The following PPP2R2C variants were observed in gnomAD, a reference collection of about 807,000 sequenced individuals.
PPP2R2C encodes protein phosphatase 2, regulatory subunit B, gamma.
Under a neutral mutation model 45.3 loss-of-function variants are expected in PPP2R2C, and 10 were observed. The ratio of observed to expected loss-of-function variants is 0.22; its 90% CI spans 0.14 to 0.37. The LOEUF is 0.37. Among genes scored for constraint, PPP2R2C ranks in the 10% least tolerant of loss-of-function variants. The pLI, the probability that PPP2R2C is intolerant of heterozygous loss-of-function variation, is 1.00. For synonymous variants in PPP2R2C, 257 were observed against 245.4 expected, an observed-to-expected ratio of 1.05 and a Z score of -0.44; for missense variants, 308 against 619.7, an observed-to-expected ratio of 0.50 and a Z score of 5.34.
Position 6,330,491 on chromosome 4 carries a change from G to A in PPP2R2C, c.961-1138C>T, listed in dbSNP as rs1209919202. The stretch of plus-strand genomic sequence containing the variant: ...TAAAGCAGGCTGCCCTCCATCATGT[G>A]GGGGGCCTTGTCCAATCAGTCGAAG... On this transcript the variant is annotated intron_variant, in intron 7 of 8. Coordinates refer to ENST00000382599, the MANE Select transcript of PPP2R2C (RefSeq NM_020416.4). The surrounding 1 kb of genome is among the most constrained non-coding windows in gnomAD (Gnocchi z 7.0). 6.6e-6 allele frequency among the ~76,000 whole-genome samples: 1 copy of A among 152,064 alleles called. No homozygotes were observed. The highest frequency in any genetic ancestry group is 1.5e-5 in the Non-Finnish European group (1 of 68,000).
chr4:6,389,850 G>C (rs546992104), intron 1 of PPP2R2C, among the ~76,000 whole-genome samples: 1 of 152,188 alleles, frequency 6.6e-6, no homozygotes, highest in East Asian at 1.9e-4. Context: ...AGCTAGTAAG[G>C]GCAGGGGAGA....
intron 1 of PPP2R2C, among the ~76,000 whole-genome samples, chr4:6,445,272 G>A (rs1345512273): frequency 2.6e-5 from 4 of 151,974 alleles, no homozygotes; most frequent in Non-Finnish European, 5.9e-5. Context: ...CAACAGCTGA[G>A]AATATTCTAG....
At chr4:6,524,405 G>T (rs78596185) in intron 2 of PPP2R2C, among the ~76,000 whole-genome samples, 1,642 of 152,274 alleles carry the variant, frequency 0.011, 33 homozygotes, top group African/African-American at 0.038. Context: ...AGGAGGAATG[G>T]GAGTGACTGC....
In PPP2R2C at chr4:6,362,313, C is replaced by T. The variant is rs539322060; in HGVS notation, c.625+10210G>A. On this transcript the variant is annotated intron_variant, in intron 5 of 8. Coordinates refer to ENST00000382599, the MANE Select transcript of PPP2R2C (RefSeq NM_020416.4). ...GACCCATCCTGAAGAGGGAAGCAGG[C>T]CAAAGGTCTGGGGCTCAGGCCTGGG... 2.6e-5 allele frequency among the ~76,000 whole-genome samples: 4 copies of T among 152,158 alleles called. No homozygotes were observed. The East Asian group carries it at 7.7e-4, about 29-fold the overall frequency.
intron 5 of PPP2R2C, among the ~76,000 whole-genome samples, chr4:6,354,476 T>A (rs910281143): frequency 6.6e-6 from 1 of 152,070 alleles, no homozygotes; most frequent in Non-Finnish European, 1.5e-5. Context: ...CTCCACCTCC[T>A]GATTCACCTC....
In PPP2R2C at chr4:6,484,250, T is replaced by G. The variant is rs112199103; in HGVS notation, c.49+51021A>C. ...ATTATCTAAATATTCTCCACTAAAG[T>G]GCATTTGAGTCTCTATTCAAAATCA... On this transcript the variant is annotated intron_variant, in intron 2 of 9. Transcript: ENST00000506140. Among the ~76,000 whole-genome samples, 645 of 152,122 alleles carry G rather than the reference T, an allele frequency of 4.2e-3. 4 individuals are homozygous for G. Among genetic ancestry groups the G allele is most frequent in the African/African-American group, 0.014 (595 of 41,574 alleles).
At chr4:6,444,814 T>C (rs1720333816) in intron 1 of PPP2R2C, among the ~76,000 whole-genome samples, 1 of 152,230 alleles carries the variant, frequency 6.6e-6, no homozygotes, top group South Asian at 2.1e-4. Context: ...ATCAGAGACA[T>C]GTCCACTGGA....
At chr4:6,447,547 C>G (rs1720493301) in intron 1 of PPP2R2C, among the ~76,000 whole-genome samples, 1 of 138,204 alleles carries the variant, frequency 7.2e-6, no homozygotes, top group Non-Finnish European at 1.6e-5. Context: ...CACTCACATG[C>G]CAGCAAAGAT....
intron 1 of PPP2R2C, among the ~76,000 whole-genome samples, chr4:6,408,433 GCAGCCAATCAC>G (rs1717943374): frequency 6.6e-6 from 1 of 152,150 alleles, no homozygotes; most frequent in Non-Finnish European, 1.5e-5. Context: ...CCTCCTAGAG[GCAGCCAATCAC>G]CAGGCCTCCC....
At chr4:6,532,660 C>T (rs1332338112) in intron 2 of PPP2R2C, among the ~76,000 whole-genome samples, 1 of 152,238 alleles carries the variant, frequency 6.6e-6, no homozygotes, top group African/African-American at 2.4e-5. Flanking sequence ...CCAAGGATCA[C>T]AGTGTCCAGC....
At chr4:6,413,860 G>C in intron 1 of PPP2R2C, 1 of 1,535,848 alleles carries the variant, frequency 6.5e-7, no homozygotes, top group South Asian at 1.2e-5. Flanking sequence ...CTCCACGATG[G>C]GGACCCTCCC....
intron 1 of PPP2R2C, among the ~76,000 whole-genome samples, chr4:6,402,815 G>A (rs1467487043): frequency 3.9e-5 from 6 of 152,236 alleles, no homozygotes; most frequent in Non-Finnish European, 7.3e-5. Flanking sequence ...GCATTCAGGT[G>A]AGAGGGGCAT....
At chr4:6,443,536 C>A (rs1193139195) in intron 1 of PPP2R2C, among the ~76,000 whole-genome samples, 1 of 152,202 alleles carries the variant, frequency 6.6e-6, no homozygotes, top group Non-Finnish European at 1.5e-5. Flanking sequence ...TCTGCCGCAA[C>A]ATTCAGCTGG....
intron 5 of PPP2R2C, among the ~76,000 whole-genome samples, chr4:6,352,231 C>T (rs1712630630): frequency 6.6e-6 from 1 of 152,000 alleles, no homozygotes; most frequent in Non-Finnish European, 1.5e-5. Flanking sequence ...TTGGCTGTCA[C>T]TCGGGGCCCC....
intron 6 of PPP2R2C, among the ~76,000 whole-genome samples, chr4:6,338,359 G>C (rs1733160170): frequency 6.6e-6 from 1 of 152,172 alleles, no homozygotes. Flanking sequence ...CTTCCTCCCT[G>C]GGTGTTGCAC....
At chr4:6,541,507 G>A (rs2108831969) in intron 1 of PPP2R2C, among the ~76,000 whole-genome samples, 1 of 152,230 alleles carries the variant, frequency 6.6e-6, no homozygotes, top group African/African-American at 2.4e-5. Context: ...ACCCTGCCCT[G>A]ACCAGACCAG....
chr4:6,336,175 G>A (rs1317507002), intron 6 of PPP2R2C, among the ~76,000 whole-genome samples: 1 of 152,026 alleles, frequency 6.6e-6, no homozygotes, highest in Non-Finnish European at 1.5e-5. Context: ...CTGACAGTAG[G>A]CGCCTCCCTT....
At chr4:6,417,037 C>G (rs1718637904) in intron 1 of PPP2R2C, among the ~76,000 whole-genome samples, 1 of 152,228 alleles carries the variant, frequency 6.6e-6, no homozygotes, top group Non-Finnish European at 1.5e-5. Flanking sequence ...GGGTCCAGCA[C>G]TGGGGAAGCC....
intron 1 of PPP2R2C, chr4:6,384,563 G>A: frequency 2.0e-6 from 2 of 979,386 alleles, no homozygotes; most frequent in Non-Finnish European, 2.4e-6. Flanking sequence ...TGATGAGGGT[G>A]GGCATACACA....
Sources: allele counts gnomAD v4.1 joint callset (sites outside exome capture counted in the v4.1 genomes callset), GRCh38; gene constraint gnomAD v4.1.1; non-coding constraint Gnocchi (gnomAD v3.1); transcripts MANE v1.5; gene names NCBI Gene and HGNC (gene_info 2026-07-23, HGNC 2026-07-21).